ELAVL4: variants seen among roughly 807,000 people sequenced by gnomAD.
ELAVL4 encodes ELAV-like protein 4.
Under a neutral mutation model 35.6 loss-of-function variants are expected in ELAVL4, and 1 was observed. The ratio of observed to expected loss-of-function variants is 0.03; its 90% CI spans 0.01 to 0.13. ELAVL4 has a LOEUF of 0.13. Among genes scored for constraint, ELAVL4 ranks in the 10% least tolerant of loss-of-function variants. The pLI is 1.00. For synonymous variants in ELAVL4, 156 were observed against 171.0 expected (o/e 0.91, Z 0.69); for missense variants, 267 against 464.9 (o/e 0.57, Z 3.91).
Position 50,109,015 on chromosome 1 carries a change from T to TCGGGGGGGGGGGGGGC in ELAVL4, c.-174_-173insGGGGGGGGGGGGGGCC. The TCGGGGGGGGGGGGGGC allele has an allele frequency of 1.0e-6, 1 of 961,068 alleles. No individual in the cohort carries two copies. The highest frequency in any genetic ancestry group is 1.2e-6 in the Non-Finnish European group (1 of 816,948). The allele number at this position is 961,068 out of a possible 1,614,324, so 59.5% of individuals were successfully genotyped here. On this transcript the variant is annotated 5_prime_UTR_variant, in exon 1 of 7. Transcript: ENST00000371824. ...GCTCCTTTTCTTTTTTTTCTTTCTC[T>TCGGGGGGGGGGGGGGC]CCCCCGCCCACCCCCCCAAAAATAA...
intron 2 of ELAVL4, among the ~76,000 whole-genome samples, chr1:50,169,064 C>T (rs1490446574): frequency 6.6e-6 from 1 of 151,536 alleles, no homozygotes; most frequent in African/African-American, 2.4e-5. Context: ...TGTCTGAAAG[C>T]TGAGGAGCAA....
intron 3 of ELAVL4, among the ~76,000 whole-genome samples, chr1:50,186,569 T>G (rs1481964530): frequency 1.3e-5 from 2 of 152,134 alleles, no homozygotes; most frequent in African/African-American, 4.8e-5. Flanking sequence ...AGTATGGGCT[T>G]AGAAAGATGG....
At chr1:50,139,505 G>T (rs1194701064) in intron 1 of ELAVL4, among the ~76,000 whole-genome samples, 6 of 152,180 alleles carry the variant, frequency 3.9e-5, no homozygotes, top group Admixed American at 3.9e-4. Flanking sequence ...TCTGCTCTTT[G>T]TCTTTGTTAT....
chr1:50,199,633 G>A (rs61784198), intron 6 of ELAVL4, among the ~76,000 whole-genome samples: 6,111 of 151,792 alleles, frequency 0.04, 179 homozygotes, highest in African/African-American at 0.083. Flanking sequence ...ACTTGAACCC[G>A]GGAGGCAGAG....
chr1:50,154,284 A>G (rs569626340), intron 2 of ELAVL4, among the ~76,000 whole-genome samples: 1 of 152,334 alleles, frequency 6.6e-6, no homozygotes, highest in South Asian at 2.1e-4. Context: ...CACAGAAGGA[A>G]GTTGACAGCT....
intron 1 of ELAVL4, among the ~76,000 whole-genome samples, chr1:50,069,046 G>T (rs1664393872): frequency 6.6e-6 from 1 of 152,222 alleles, no homozygotes; most frequent in Non-Finnish European, 1.5e-5. Context: ...CTGAGGCCTT[G>T]TGGCTCTAAG....
chr1:50,094,955 A>G (rs968437347), intron 1 of ELAVL4, among the ~76,000 whole-genome samples: 1 of 151,958 alleles, frequency 6.6e-6, no homozygotes, highest in South Asian at 2.1e-4. Context: ...ATAATAAAAA[A>G]AATTATTCGG....
At chr1:50,164,709 T>A (rs1260997526) in intron 2 of ELAVL4, among the ~76,000 whole-genome samples, 1 of 152,198 alleles carries the variant, frequency 6.6e-6, no homozygotes, top group Admixed American at 6.5e-5. Flanking sequence ...CACATGTGTC[T>A]TATGGGATCG....
chr1:50,170,747 A>T (rs934586903), intron 2 of ELAVL4, among the ~76,000 whole-genome samples: 1 of 152,114 alleles, frequency 6.6e-6, no homozygotes, highest in Admixed American at 6.5e-5. Flanking sequence ...AAGGTTTTAA[A>T]CCATTCTTAA....
chr1:50,061,788 C>A (rs1468707386), intron 1 of ELAVL4, among the ~76,000 whole-genome samples: 1 of 152,150 alleles, frequency 6.6e-6, no homozygotes, highest in Non-Finnish European at 1.5e-5. Flanking sequence ...ATCTTTATTT[C>A]AGAGCTCTCC....
chr1:50,091,874 G>A (rs1461109008), intron 1 of ELAVL4, among the ~76,000 whole-genome samples: 1 of 152,188 alleles, frequency 6.6e-6, no homozygotes, highest in African/African-American at 2.4e-5. Flanking sequence ...GGTGCAGAGA[G>A]ATTAAGTGGC....
intron 2 of ELAVL4, among the ~76,000 whole-genome samples, chr1:50,149,805 G>A (rs889509964): frequency 6.6e-6 from 1 of 152,102 alleles, no homozygotes; most frequent in Non-Finnish European, 1.5e-5. Context: ...GCCTCCCAAC[G>A]TGCTGGGATT....
chr1:50,192,563 A>ACACACACT (rs766597516), intron 3 of ELAVL4, among the ~76,000 whole-genome samples: 28 of 144,540 alleles, frequency 1.9e-4, no homozygotes, highest in Non-Finnish European at 3.3e-4. Context: ...ACACACACAC[A>ACACACACT]CTCTCACCCC....
At chr1:50,158,807 A>G (rs1022645977) in intron 2 of ELAVL4, among the ~76,000 whole-genome samples, 1 of 152,150 alleles carries the variant, frequency 6.6e-6, no homozygotes, top group Non-Finnish European at 1.5e-5. Flanking sequence ...TTGGGAGTCC[A>G]AGGCGGGTGG....
At chr1:50,153,202 G>A (rs1164625025) in intron 2 of ELAVL4, among the ~76,000 whole-genome samples, 1 of 152,154 alleles carries the variant, frequency 6.6e-6, no homozygotes, top group Non-Finnish European at 1.5e-5. Context: ...CTTCACCAAG[G>A]CCCAATCTTA....
intron 3 of ELAVL4, among the ~76,000 whole-genome samples, chr1:50,193,010 T>C (rs867402471): frequency 6.6e-6 from 1 of 152,260 alleles, no homozygotes; most frequent in Non-Finnish European, 1.5e-5. Context: ...TAACCATTGG[T>C]GAGGCTCTCT....
At chr1:50,114,644 G>C (rs1453567292) in intron 1 of ELAVL4, among the ~76,000 whole-genome samples, 1 of 152,104 alleles carries the variant, frequency 6.6e-6, no homozygotes, top group African/African-American at 2.4e-5. Context: ...CTGGTGCAGT[G>C]CAAGATGCCC....
At chr1:50,063,141 C>A (rs1350908550) in intron 1 of ELAVL4, among the ~76,000 whole-genome samples, 1 of 152,184 alleles carries the variant, frequency 6.6e-6, no homozygotes, top group Non-Finnish European at 1.5e-5. Flanking sequence ...CTTCCACCTA[C>A]AAAATGGCAC....
chr1:50,133,619 GAAAGAAAGAAAGAAAGAAAGAAAGA>G (rs1671311654), intron 1 of ELAVL4, among the ~76,000 whole-genome samples: 1 of 144,632 alleles, frequency 6.9e-6, no homozygotes, highest in African/African-American at 2.5e-5. Flanking sequence ...AAGAAAGAAA[GAAAGAAAGAAAGAAAGAAAGAAAGA>G]AAGAAAGAGA....
Sources: gnomAD v4.1 joint callset for allele counts (sites outside exome capture counted in the v4.1 genomes callset) on GRCh38, gnomAD v4.1.1 for gene constraint, MANE v1.5 for transcripts, NCBI Gene and HGNC (gene_info 2026-07-23, HGNC 2026-07-21) for gene names.